HDAC11: variants seen among roughly 807,000 people sequenced by gnomAD.
The protein encoded by HDAC11 is histone deacetylase 11.
In HDAC11, 23 loss-of-function variants were observed where a neutral mutation model predicts 41.1. That is an observed-to-expected ratio of 0.56 (90% CI 0.40 to 0.79). HDAC11 has a LOEUF of 0.79. HDAC11 is among the 30% of genes least tolerant of loss of function. HDAC11 has a pLI of 0.00. For synonymous variants in HDAC11, 187 were observed against 186.6 expected, an observed-to-expected ratio of 1.00 and a Z score of -0.02; for missense variants, 402 against 477.3, an observed-to-expected ratio of 0.84 and a Z score of 1.47.
chr3:13,488,253 T>C (rs1701686216), intron 3 of HDAC11, among the ~76,000 whole-genome samples: 1 of 152,132 alleles, frequency 6.6e-6, no homozygotes, highest in Non-Finnish European at 1.5e-5. Flanking sequence ...AAAAAAAATT[T>C]TTTTTAATTG....
intron 2 of HDAC11, among the ~76,000 whole-genome samples, chr3:13,482,525 G>A (rs1701368466): frequency 6.6e-6 from 1 of 152,204 alleles, no homozygotes; most frequent in Non-Finnish European, 1.5e-5. Flanking sequence ...GCTCGTGCCT[G>A]TAATCCCAGC....
At position 13,505,946 on chromosome 3, in the gene HDAC11, T is replaced by C. The variant is rs73815733; in HGVS notation, c.*1263T>C. On this transcript the variant is annotated 3_prime_UTR_variant, in exon 10 of 10. Coordinates refer to ENST00000295757, the MANE Select transcript of HDAC11 (RefSeq NM_024827.4). ...GGGCTGGGGAGGGAAAGTGGGTCCA[T>C]TGAGGTGGCCCTGCTCCATCAGCCC... The C allele has an allele frequency of 0.092, 14,076 of 152,226 alleles. 1,221 individuals carry two copies. Among genetic ancestry groups the C allele is most frequent in the East Asian group, 0.41 (2,093 of 5,148 alleles). 9.4% of individuals were successfully genotyped at this position (152,226 alleles called of 1,614,324 possible).
chr3:13,480,473 G>A lies in HDAC11; in HGVS notation c.2+124G>A, dbSNP rs558817797. The A allele has an allele frequency of 7.2e-4, 359 of 500,108 alleles. 2 individuals are homozygous for A. The East Asian group carries it at 0.016, about 22-fold the overall frequency. 31.0% of individuals were successfully genotyped at this position (500,108 alleles called of 1,614,324 possible). On this transcript the variant is annotated intron_variant, in intron 1 of 9. Coordinates refer to ENST00000295757, the MANE Select transcript of HDAC11 (RefSeq NM_024827.4). This position sits in a 1 kb window ranked among gnomAD's most constrained non-coding sequence, Gnocchi z 4.6. The stretch of plus-strand genomic sequence containing the variant: ...TAAGGGCCCAGATTTGCTGGTGAGG[G>A]GTGAGGGACGCTCGGGACGGGTGTT...
At chr3:13,481,185 G>T in intron 1 of HDAC11, 61 bp from the exon 2 acceptor site, 1 of 1,556,146 alleles carries the variant, frequency 6.4e-7, no homozygotes, top group Non-Finnish European at 8.7e-7. Context: ...GCGGGCTCGG[G>T]AGGGAGCTGC....
intron 3 of HDAC11, among the ~76,000 whole-genome samples, chr3:13,486,335 A>G (rs1198877565): frequency 6.6e-6 from 1 of 151,422 alleles, no homozygotes; most frequent in Non-Finnish European, 1.5e-5. Context: ...TCTGTATTGA[A>G]TGCCAACTGT....
At chr3:13,497,169 TTTTC>T (rs543210749) in intron 4 of HDAC11, among the ~76,000 whole-genome samples, 69 of 152,006 alleles carry the variant, frequency 4.5e-4, no homozygotes, top group African/African-American at 1.3e-3. Flanking sequence ...CTCACCAGTT[TTTTC>T]TTTCTTTCTT....
At chr3:13,495,533 C>A (rs778075991) in intron 3 of HDAC11, among the ~76,000 whole-genome samples, 3 of 152,166 alleles carry the variant, frequency 2.0e-5, no homozygotes, top group Non-Finnish European at 4.4e-5. Flanking sequence ...ACCCCAGACC[C>A]TTCTTATCTC....
intron 3 of HDAC11, among the ~76,000 whole-genome samples, chr3:13,494,152 AC>A (rs1701984236): frequency 6.6e-6 from 1 of 152,182 alleles, no homozygotes; most frequent in East Asian, 1.9e-4. Context: ...GCTGTGGAGC[AC>A]ACGAGAGAAT....
At chr3:13,481,499 C>A in intron 2 of HDAC11, 105 bp downstream of exon 2, 1 of 1,393,132 alleles carries the variant, frequency 7.2e-7, no homozygotes, top group Non-Finnish European at 9.9e-7. Flanking sequence ...TCTTCAGTTT[C>A]AGCCCTCGGA....
At chr3:13,503,341 G>T in intron 8 of HDAC11, 1 of 185,130 alleles carries the variant, frequency 5.4e-6, no homozygotes, top group Non-Finnish European at 1.1e-5. Flanking sequence ...GAAGTGGGCG[G>T]ATCACCTGAG....
At chr3:13,494,364 G>C (rs1487986203) in intron 3 of HDAC11, among the ~76,000 whole-genome samples, 3 of 152,250 alleles carry the variant, frequency 2.0e-5, no homozygotes. Context: ...AGTGGGATGA[G>C]TGTGGTGAAC....
At position 13,480,729 on chromosome 3, in the gene HDAC11, C is replaced by G. The variant is rs1355810444; in HGVS notation, c.2+380C>G. The G allele has an allele frequency of 2.1e-6, 1 of 485,212 alleles. No individual in the cohort carries two copies. The highest frequency in any genetic ancestry group is 6.6e-5 in the East Asian group (1 of 15,122). The allele number at this position is 485,212 out of a possible 1,614,324, so 30.1% of individuals were successfully genotyped here. ...GCCAGGGTGTGATGGGAAGGGTTAG[C>G]AGCGCAGCGGGGTCAGGGGATCCCC... On this transcript the variant is annotated intron_variant, in intron 1 of 9. Transcript: ENST00000295757. The surrounding 1 kb of genome is among the most constrained non-coding windows in gnomAD (Gnocchi z 4.6).
At chr3:13,487,680 G>A (rs1260249107) in intron 3 of HDAC11, among the ~76,000 whole-genome samples, 1 of 152,100 alleles carries the variant, frequency 6.6e-6, no homozygotes, top group Non-Finnish European at 1.5e-5. Context: ...CTGCCCCTGT[G>A]CACTCTGCAC....
chr3:13,495,008 T>C (rs1429681293), intron 3 of HDAC11, among the ~76,000 whole-genome samples: 1 of 151,824 alleles, frequency 6.6e-6, no homozygotes, highest in Non-Finnish European at 1.5e-5. Flanking sequence ...CTGTCTGTCA[T>C]TGAACATGCT....
chr3:13,482,654 G>A (rs1463344297), intron 2 of HDAC11, among the ~76,000 whole-genome samples: 1 of 152,198 alleles, frequency 6.6e-6, no homozygotes, highest in Non-Finnish European at 1.5e-5. Flanking sequence ...GGGGGTGGTG[G>A]TATGCACCTA....
intron 4 of HDAC11, 30 bp downstream of exon 4, chr3:13,496,882 T>TGGGGGGGGGG: frequency 1.6e-6 from 2 of 1,230,046 alleles, no homozygotes; most frequent in Non-Finnish European, 1.1e-6. Context: ...ATGGCTGGGC[T>TGGGGGGGGGG]GGGGGCCCCC....
Position 13,496,724 on chromosome 3 carries a change from CT to C in HDAC11, c.253-7del. On this transcript the variant is annotated splice_polypyrimidine_tract_variant and intron_variant, in intron 3 of 9. Transcript: ENST00000295757. ...GGAAGCGGAGGCCAACAGCCCCTGT[CT>C]TTTTCCGCAGTGGTCCTTTGCTGTT... The C allele has an allele frequency of 3.2e-6, 5 of 1,573,990 alleles. No individual in the cohort carries two copies. The highest frequency in any genetic ancestry group is 1.8e-5 in the Admixed American group (1 of 56,754).
At chr3:13,483,380 A>T (rs1396914518) in intron 2 of HDAC11, 84 bp from the exon 3 acceptor site, 10 of 1,178,062 alleles carry the variant, frequency 8.5e-6, no homozygotes, top group South Asian at 2.5e-5. Context: ...GCCACAGGCC[A>T]AGTCTGCAGC....
chr3:13,504,805 G>T lies in HDAC11; in HGVS notation c.*122G>T. On this transcript the variant is annotated 3_prime_UTR_variant, in exon 10 of 10. Coordinates refer to ENST00000295757, the MANE Select transcript of HDAC11 (RefSeq NM_024827.4). ...GCATGGAGGGGCAGGGCCATCCCTG[G>T]CTGGGGCCTGGAGCTGGCCCTTCCT... 1 of 875,306 alleles carries T rather than the reference G, an allele frequency of 1.1e-6. No homozygotes were observed. The highest frequency in any genetic ancestry group is 1.8e-6 in the Non-Finnish European group (1 of 558,776). The allele number at this position is 875,306 out of a possible 1,614,324, so 54.2% of individuals were successfully genotyped here.
Sources: allele counts gnomAD v4.1 joint callset (sites outside exome capture counted in the v4.1 genomes callset), GRCh38; gene constraint gnomAD v4.1.1; non-coding constraint Gnocchi (gnomAD v3.1); transcripts MANE v1.5; gene names NCBI Gene and HGNC (gene_info 2026-07-23, HGNC 2026-07-21).